Variants in CMPK1 observed in about 807,000 individuals in gnomAD.
CMPK1 encodes the protein UMP-CMP kinase.
In CMPK1, 10 loss-of-function variants were observed where a neutral mutation model predicts 25.7. The ratio of observed to expected loss-of-function variants is 0.39; its 90% confidence interval spans 0.24 to 0.66. The LOEUF (loss-of-function observed/expected upper bound fraction) is 0.66, where lower values mean the gene tolerates loss of function less well. CMPK1 is among the 30% of genes least tolerant of loss of function. The pLI, the probability that CMPK1 is intolerant of heterozygous loss-of-function variation, is 0.48. For synonymous variants in CMPK1, 106 were observed against 101.5 expected, an observed-to-expected ratio of 1.04 and a Z score of -0.27; for missense variants, 199 against 280.5, an observed-to-expected ratio of 0.71 and a Z score of 2.08.
At position 47,375,227 on chromosome 1, in the gene CMPK1, A is replaced by T. The variant is rs1283785669; in HGVS notation, c.579A>T (p.Pro193=). The T allele has an allele frequency of 6.2e-7, 1 of 1,610,600 alleles. No homozygotes were observed. The highest frequency in any genetic ancestry group is 1.3e-5 in the African/African-American group (1 of 74,820). The change falls in exon 5 of 6, where the codon CCA becomes CCT. Residue 193 remains proline (P), a synonymous_variant. Transcript: ENST00000371873. ...RIQTYLQSTK[P]IIDLYEEMGK... is the part of the protein sequence containing the mutation. ...AGACCTACCTTCAGTCAACAAAGCC[A>T]ATTATTGACTTATATGAAGAAATGG...
At chr1:47,358,516 T>C (rs1199299806) in intron 1 of CMPK1, 1 of 1,010,068 alleles carries the variant, frequency 9.9e-7, no homozygotes, top group East Asian at 1.1e-4. Context: ...GTAGATGTCA[T>C]TTTTGGTAGC....
rs911065217 is a variant in CMPK1 at position 47,377,934 on chromosome 1, C to T, written c.*1189C>T. The T allele has an allele frequency of 3.3e-5, 5 of 152,494 alleles. No individual in the cohort carries two copies. The highest frequency in any genetic ancestry group is 4.4e-5 in the Non-Finnish European group (3 of 68,008). 9.4% of individuals were successfully genotyped at this position (152,494 alleles called of 1,614,324 possible). On this transcript the variant is annotated 3_prime_UTR_variant, in exon 6 of 6. Coordinates refer to ENST00000371873, the MANE Select transcript of CMPK1 (RefSeq NM_016308.3). Reference sequence around the variant, plus strand: ...TAAAAATCTCTGAGGAATTTGTTTTCGCCTTACTTTTTTTTCTTCTGTCAC... The same window carrying T: ...TAAAAATCTCTGAGGAATTTGTTTTTGCCTTACTTTTTTTTCTTCTGTCAC...
intron 1 of CMPK1, among the ~76,000 whole-genome samples, chr1:47,352,616 A>T (rs6684213): frequency 0.025 from 3,826 of 152,260 alleles, 187 homozygotes; most frequent in African/African-American, 0.088. Flanking sequence ...TGGGATGCCC[A>T]TTAAGCAAAA....
chr1:47,334,627 G>A (rs1411579209), intron 1 of CMPK1, among the ~76,000 whole-genome samples: 5 of 152,200 alleles, frequency 3.3e-5, no homozygotes, highest in Non-Finnish European at 7.3e-5. Flanking sequence ...TAGAAAGGAG[G>A]CCCGTGGGGC....
At chr1:47,367,030 T>C (rs1646644136) in intron 1 of CMPK1, among the ~76,000 whole-genome samples, 1 of 152,108 alleles carries the variant, frequency 6.6e-6, no homozygotes, top group South Asian at 2.1e-4. Context: ...CCAGCCTTTT[T>C]TTCTTTCTTT....
At chr1:47,349,840 C>T (rs780896195) in intron 1 of CMPK1, among the ~76,000 whole-genome samples, 1 of 152,182 alleles carries the variant, frequency 6.6e-6, no homozygotes, top group African/African-American at 2.4e-5. Flanking sequence ...GGGTCTCGCT[C>T]TGTTGACCAG....
At chr1:47,344,979 C>G (rs551183219) in intron 1 of CMPK1, among the ~76,000 whole-genome samples, 157 of 151,722 alleles carry the variant, frequency 1.0e-3, no homozygotes, top group African/African-American at 3.7e-3. Context: ...TGCAGTGGTG[C>G]GATATTGGCA....
chr1:47,378,207 C>A lies in CMPK1; in HGVS notation c.*1462C>A, dbSNP rs1646719961. 6.6e-6 allele frequency: 1 copy of A among 152,000 alleles called. No individual in the cohort carries two copies. The highest frequency in any genetic ancestry group is 1.5e-5 in the Non-Finnish European group (1 of 68,010). The allele number at this position is 152,000 out of a possible 1,614,324, so 9.4% of individuals were successfully genotyped here. A position where few individuals can be genotyped will look rare whatever the true frequency, so the allele number is the denominator to read the frequency against. On this transcript the variant is annotated 3_prime_UTR_variant, in exon 6 of 6. Transcript: ENST00000371873. ...AATGATAAATTTTTCAACATACTTGCCATTAGAAAACAAAGTATTGCTAAG... is the reference window on the plus strand; with the variant it reads ...AATGATAAATTTTTCAACATACTTGACATTAGAAAACAAAGTATTGCTAAG...
At chr1:47,364,062 C>T (rs1646622157) in intron 1 of CMPK1, among the ~76,000 whole-genome samples, 1 of 152,076 alleles carries the variant, frequency 6.6e-6, no homozygotes, top group South Asian at 2.1e-4. Context: ...GATGACCTCC[C>T]CCCATAGTAC....
intron 1 of CMPK1, among the ~76,000 whole-genome samples, chr1:47,357,049 C>T (rs369938678): frequency 1.3e-5 from 2 of 151,062 alleles, no homozygotes; most frequent in South Asian, 4.2e-4. Context: ...CTATAAGCTC[C>T]GCCTCCTGGG....
intron 1 of CMPK1, among the ~76,000 whole-genome samples, chr1:47,338,384 G>C (rs1439343128): frequency 6.6e-6 from 1 of 152,206 alleles, no homozygotes; most frequent in African/African-American, 2.4e-5. Flanking sequence ...AGGCAAATCT[G>C]ATACAGTGTC....
At chr1:47,337,055 C>A (rs991936055) in intron 1 of CMPK1, among the ~76,000 whole-genome samples, 2 of 152,138 alleles carry the variant, frequency 1.3e-5, no homozygotes, top group African/African-American at 4.8e-5. Context: ...GAGGCCCAGG[C>A]GGGTGGATCA....
intron 2 of CMPK1, among the ~76,000 whole-genome samples, chr1:47,370,442 C>T (rs1349162911): frequency 6.7e-6 from 1 of 149,810 alleles, no homozygotes; most frequent in Non-Finnish European, 1.5e-5. Context: ...AGTTCGAGAC[C>T]AGTCTGGCCA....
At chr1:47,356,501 T>C (rs1483324778) in intron 1 of CMPK1, among the ~76,000 whole-genome samples, 2 of 152,136 alleles carry the variant, frequency 1.3e-5, no homozygotes, top group Admixed American at 1.3e-4. Flanking sequence ...ATTTACTCTT[T>C]CTGATAAGTT....
chr1:47,377,335 A>G lies in CMPK1; in HGVS notation c.*590A>G, dbSNP rs1460071244. The G allele has an allele frequency of 1.3e-5, 2 of 152,264 alleles. No homozygotes were observed. Among genetic ancestry groups the G allele is most frequent in the Non-Finnish European group, 2.9e-5 (2 of 68,042 alleles). The allele number at this position is 152,264 out of a possible 1,614,324, so 9.4% of individuals were successfully genotyped here. On this transcript the variant is annotated 3_prime_UTR_variant, in exon 6 of 6. Coordinates refer to ENST00000371873, the MANE Select transcript of CMPK1 (RefSeq NM_016308.3). The stretch of plus-strand genomic sequence containing the variant: ...TACAACTTGTACAAAGTTGTATGAC[A>G]GGGCATATTCTTTGCTTCCAAGATT...
At chr1:47,340,424 C>T (rs537143692) in intron 1 of CMPK1, among the ~76,000 whole-genome samples, 4 of 152,048 alleles carry the variant, frequency 2.6e-5, no homozygotes, top group Non-Finnish European at 5.9e-5. Context: ...CGTAAGCCAG[C>T]GTACCCAGCC....
Position 47,368,517 on chromosome 1 carries a change from A to G in CMPK1, c.220A>G (p.Arg74Gly), listed in dbSNP as rs144452656. Reference sequence around the variant, plus strand: ...TGCAGGAGAGCTGCTTCGTGATGAAAGGAAGAACCCAGATTCACAGTATGG... The same window carrying G: ...TGCAGGAGAGCTGCTTCGTGATGAAGGGAAGAACCCAGATTCACAGTATGG... ...LSAGELLRDE[R>G]KNPDSQYGEL... is the part of the protein sequence containing the mutation. The change falls in exon 2 of 6, where the codon AGG becomes GGG. Residue 74 changes from arginine (R) to glycine (G), a missense_variant. Around this residue, in one of 2 missense-constraint regions of CMPK1, gnomAD observed 140 missense variants for 235.5 expected, o/e 0.59. Coordinates refer to ENST00000371873, the MANE Select transcript of CMPK1 (RefSeq NM_016308.3). 6 of 1,613,526 alleles carry G rather than the reference A, an allele frequency of 3.7e-6. No homozygotes were observed. The highest frequency in any genetic ancestry group is 5.1e-6 in the Non-Finnish European group (6 of 1,179,668).
intron 1 of CMPK1, among the ~76,000 whole-genome samples, chr1:47,345,479 A>T (rs574941366): frequency 1.1e-4 from 16 of 151,794 alleles, no homozygotes; most frequent in African/African-American, 3.9e-4. Flanking sequence ...AGGAGAAAAA[A>T]AGTAGCAATT....
chr1:47,371,153 T>C (rs1646675767), intron 2 of CMPK1, among the ~76,000 whole-genome samples: 1 of 152,138 alleles, frequency 6.6e-6, no homozygotes, highest in Non-Finnish European at 1.5e-5. Context: ...AAAAGAGCTA[T>C]GTAAGCATCT....
Sources: gnomAD v4.1 joint callset for allele counts (sites outside exome capture counted in the v4.1 genomes callset) on GRCh38, gnomAD v4.1.1 for gene constraint, gnomAD v4.1.1 regional missense constraint, MANE v1.5 for transcripts, NCBI Gene and HGNC (gene_info 2026-07-23, HGNC 2026-07-21) for gene names.